The following STAC variants were observed in gnomAD, a reference collection of about 807,000 sequenced individuals.
The protein encoded by STAC is SH3 and cysteine-rich domain-containing protein.
In STAC, 43 loss-of-function variants were observed where a neutral mutation model predicts 48.8. The ratio of observed to expected loss-of-function variants is 0.88; its 90% confidence interval spans 0.69 to 1.14. STAC has a LOEUF of 1.14. STAC is among the 50% of genes most tolerant of loss of function. The probability of loss-of-function intolerance (pLI) is 0.00; values close to 1 mark genes in which losing one functional copy is unlikely to be tolerated. For missense variants in STAC, 497 were observed against 504.0 expected (o/e 0.99, Z 0.13); for synonymous variants, 193 against 179.5 (o/e 1.07, Z -0.60).
chr3:36,445,428 G>A (rs190612462), intron 2 of STAC, among the ~76,000 whole-genome samples: 1 of 152,176 alleles, frequency 6.6e-6, no homozygotes, highest in East Asian at 1.9e-4. Context: ...CTCCTTTCAG[G>A]AAAGAACAAA....
intron 1 of STAC, among the ~76,000 whole-genome samples, chr3:36,414,067 T>C (rs991732237): frequency 1.3e-5 from 2 of 152,238 alleles, no homozygotes; most frequent in Non-Finnish European, 2.9e-5. Flanking sequence ...TGGGCTACCC[T>C]TTGTGGGTAA....
intron 1 of STAC, among the ~76,000 whole-genome samples, chr3:36,411,219 C>G (rs1268670964): frequency 6.6e-6 from 1 of 152,216 alleles, no homozygotes; most frequent in Non-Finnish European, 1.5e-5. Flanking sequence ...CACTGCCATA[C>G]CCCTGGCCTA....
At chr3:36,382,173 T>C (rs749654409) in intron 1 of STAC, among the ~76,000 whole-genome samples, 12 of 152,206 alleles carry the variant, frequency 7.9e-5, no homozygotes, top group Non-Finnish European at 1.5e-4. Context: ...TATCATTGCC[T>C]CCCATTGAAC....
At chr3:36,448,745 G>C (rs1217612967) in intron 2 of STAC, among the ~76,000 whole-genome samples, 1 of 152,062 alleles carries the variant, frequency 6.6e-6, no homozygotes, top group African/African-American at 2.4e-5. Flanking sequence ...GTGAGGCAGA[G>C]TTCAAAACAC....
intron 1 of STAC, among the ~76,000 whole-genome samples, chr3:36,415,468 G>A (rs1407746542): frequency 2.6e-5 from 4 of 152,176 alleles, no homozygotes; most frequent in African/African-American, 9.6e-5. Flanking sequence ...ATAATCTCCT[G>A]GTGTGCTGTT....
At chr3:36,390,809 T>C (rs1699739105) in intron 1 of STAC, among the ~76,000 whole-genome samples, 1 of 152,214 alleles carries the variant, frequency 6.6e-6, no homozygotes, top group Non-Finnish European at 1.5e-5. Flanking sequence ...TCTCTTTGAA[T>C]GTTTAAAAAA....
intron 1 of STAC, among the ~76,000 whole-genome samples, chr3:36,390,325 C>T (rs181178106): frequency 1.3e-3 from 200 of 152,212 alleles, no homozygotes; most frequent in African/African-American, 4.5e-3. Flanking sequence ...TAAACTAAGA[C>T]AGTCTTTCTC....
intron 6 of STAC, among the ~76,000 whole-genome samples, chr3:36,497,882 T>A (rs896287767): frequency 6.6e-6 from 1 of 152,180 alleles, no homozygotes; most frequent in Admixed American, 6.5e-5. Flanking sequence ...TTTAATGTAG[T>A]TTAAAGTGGC....
intron 1 of STAC, among the ~76,000 whole-genome samples, chr3:36,438,428 C>G (rs999578822): frequency 4.6e-5 from 7 of 152,190 alleles, no homozygotes; most frequent in African/African-American, 1.7e-4. Flanking sequence ...TTTGTAACAT[C>G]TGTAACATTT....
In STAC at chr3:36,461,955, T is replaced by A. The variant is rs1260867187; in HGVS notation, c.388+18315T>A. On this transcript the variant is annotated intron_variant, in intron 2 of 10. Coordinates refer to ENST00000273183, the MANE Select transcript of STAC (RefSeq NM_003149.3). ...TGGATCTAATTATACTTGCAAATGG[T>A]TGGTGTTGCTGTTATGTGAAAAATA... is the stretch of plus-strand genomic sequence containing the variant. 2.0e-5 allele frequency among the ~76,000 whole-genome samples: 3 copies of A among 152,102 alleles called. No homozygotes were observed. The East Asian group carries it at 5.8e-4, about 29-fold the overall frequency.
At chr3:36,466,680 T>C (rs1271163157) in intron 2 of STAC, among the ~76,000 whole-genome samples, 1 of 152,202 alleles carries the variant, frequency 6.6e-6, no homozygotes, top group South Asian at 2.1e-4. Context: ...AGCTATTGAT[T>C]TGGGTACATT....
chr3:36,526,228 C>T (rs571018128), intron 8 of STAC, among the ~76,000 whole-genome samples: 2 of 152,226 alleles, frequency 1.3e-5, no homozygotes, highest in Non-Finnish European at 2.9e-5. Context: ...GGATTGATTG[C>T]ATTAATGGCC....
chr3:36,450,883 T>A (rs575259514), intron 2 of STAC, among the ~76,000 whole-genome samples: 1 of 152,182 alleles, frequency 6.6e-6, no homozygotes, highest in South Asian at 2.1e-4. Context: ...TAATAAGATT[T>A]CCACCTTAGT....
intron 8 of STAC, among the ~76,000 whole-genome samples, chr3:36,516,776 G>A (rs1012198379): frequency 6.6e-6 from 1 of 152,196 alleles, no homozygotes; most frequent in African/African-American, 2.4e-5. Context: ...TTCCTAGGAA[G>A]ACTGGGTATT....
intron 8 of STAC, among the ~76,000 whole-genome samples, chr3:36,519,881 A>G (rs1698760665): frequency 6.6e-6 from 1 of 152,232 alleles, no homozygotes; most frequent in South Asian, 2.1e-4. Flanking sequence ...ATGCAAAACC[A>G]GTCAGTAGTC....
chr3:36,542,279 G>A (rs1165409399), intron 10 of STAC, among the ~76,000 whole-genome samples: 1 of 152,188 alleles, frequency 6.6e-6, no homozygotes, highest in Non-Finnish European at 1.5e-5. Flanking sequence ...AATGCTAACT[G>A]AATTGATCCC....
chr3:36,536,456 T>A (rs946994496), intron 10 of STAC, among the ~76,000 whole-genome samples: 1 of 152,052 alleles, frequency 6.6e-6, no homozygotes, highest in Non-Finnish European at 1.5e-5. Flanking sequence ...TCTACAACCA[T>A]CTAATCTTTG....
At position 36,411,270 on chromosome 3, in the gene STAC, G is replaced by C. The variant is rs1478419731; in HGVS notation, c.111+30516G>C. 2.0e-5 allele frequency among the ~76,000 whole-genome samples: 3 copies of C among 152,208 alleles called. No individual in the cohort carries two copies. In the South Asian group the frequency reaches 6.2e-4, roughly 31 times the overall value. ...ATAGAAATGCTGGTTCTTTCTATAA[G>C]TCATAAGTCAGTACAAATCTTTTTA... is the stretch of plus-strand genomic sequence containing the variant. On this transcript the variant is annotated intron_variant, in intron 1 of 10. Coordinates refer to ENST00000273183, the MANE Select transcript of STAC (RefSeq NM_003149.3).
At chr3:36,545,135 T>A (rs1055599679) in intron 10 of STAC, among the ~76,000 whole-genome samples, 2 of 151,674 alleles carry the variant, frequency 1.3e-5, no homozygotes, top group Non-Finnish European at 2.9e-5. Context: ...GCTGCCCTTC[T>A]CAGGGAGGGC....
Sources: allele counts gnomAD v4.1 joint callset (sites outside exome capture counted in the v4.1 genomes callset), GRCh38; gene constraint gnomAD v4.1.1; transcripts MANE v1.5; gene names NCBI Gene and HGNC (gene_info 2026-07-23, HGNC 2026-07-21).